Variants in AGAP1 observed in about 807,000 individuals in gnomAD.
The protein encoded by AGAP1 is ArfGAP with GTPase domain, ankyrin repeat and PH domain 1, also known as arf-GAP with GTPase, ANK repeat and PH domain-containing protein 1.
AGAP1 carries 29 observed loss-of-function variants against 105.3 expected under a neutral mutation model. The ratio of observed to expected loss-of-function variants is 0.28; its 90% CI spans 0.21 to 0.38. The LOEUF is 0.38. Among genes scored for constraint, AGAP1 ranks in the 10% least tolerant of loss-of-function variants. AGAP1 has a pLI of 1.00. For missense variants in AGAP1, 998 were observed against 1,165.1 expected, an observed-to-expected ratio of 0.86 and a Z score of 2.09; for synonymous variants, 509 against 485.9, an observed-to-expected ratio of 1.05 and a Z score of -0.63.
In AGAP1 at chr2:236,123,878, C is replaced by T. The variant is rs765176771; in HGVS notation, c.2371-41C>T. ...GCTTCCCTGCCCCCTCCCTCCATCA[C>T]ATCCCCCATGATACTAATGTGGGCT... On this transcript the variant is annotated intron_variant, in intron 17 of 17. Transcript: ENST00000304032. This position sits in a 1 kb window ranked among gnomAD's most constrained non-coding sequence, Gnocchi z 4.6. 6 of 1,608,644 alleles carry T rather than the reference C, an allele frequency of 3.7e-6. No individual in the cohort carries two copies. Among genetic ancestry groups the T allele is most frequent in the African/African-American group, 2.7e-5 (2 of 74,750 alleles).
At chr2:235,881,786 A>G (rs2050036877) in intron 9 of AGAP1, among the ~76,000 whole-genome samples, 1 of 152,240 alleles carries the variant, frequency 6.6e-6, no homozygotes, top group Admixed American at 6.5e-5. Context: ...ACCATTTAAG[A>G]AGACTGGATT....
At chr2:235,548,262 G>A (rs568081755) in intron 1 of AGAP1, among the ~76,000 whole-genome samples, 13 of 152,324 alleles carry the variant, frequency 8.5e-5, no homozygotes, top group Admixed American at 6.5e-4. Flanking sequence ...TGTCGCTCAT[G>A]TAAAATGCAC....
rs150543744 is a variant in AGAP1 at position 236,123,454 on chromosome 2, T to C, written c.2371-465T>C. On this transcript the variant is annotated intron_variant, in intron 17 of 17. Coordinates refer to ENST00000304032, the MANE Select transcript of AGAP1 (RefSeq NM_001037131.3). The surrounding 1 kb of genome is among the most constrained non-coding windows in gnomAD (Gnocchi z 4.6). Reference sequence around the variant, plus strand: ...CAGTCTTATCTCAATTATGTACATATACATGTAGATTCAAAGAAAACTCAT... The same window carrying C: ...CAGTCTTATCTCAATTATGTACATACACATGTAGATTCAAAGAAAACTCAT... Among the ~76,000 whole-genome samples the C allele has an allele frequency of 0.012, 1,796 of 152,308 alleles. 32 individuals are homozygous for C. The highest frequency in any genetic ancestry group is 0.041 in the African/African-American group (1,695 of 41,568).
chr2:235,691,867 G>T lies in AGAP1; in HGVS notation c.164-17312G>T, dbSNP rs1272131003. On this transcript the variant is annotated intron_variant, in intron 1 of 17. Coordinates refer to ENST00000304032, the MANE Select transcript of AGAP1 (RefSeq NM_001037131.3). This position sits in a 1 kb window ranked among gnomAD's most constrained non-coding sequence, Gnocchi z 4.4. Reference sequence around the variant, plus strand: ...GGGGACAATGGCCAGTGACATCCAGGAGAGGGAACTTAGAGGCAAGGCAGG... The same window carrying T: ...GGGGACAATGGCCAGTGACATCCAGTAGAGGGAACTTAGAGGCAAGGCAGG... Among the ~76,000 whole-genome samples, 1 of 152,220 alleles carries T rather than the reference G, an allele frequency of 6.6e-6. No homozygotes were observed. Among genetic ancestry groups the T allele is most frequent in the African/African-American group, 2.4e-5 (1 of 41,460 alleles).
At position 235,864,695 on chromosome 2, in the gene AGAP1, G is replaced by A. The variant is rs949933359; in HGVS notation, c.1051-18650G>A. Among the ~76,000 whole-genome samples the A allele has an allele frequency of 1.3e-5, 2 of 152,106 alleles. No individual in the cohort carries two copies. Among genetic ancestry groups the A allele is most frequent in the Non-Finnish European group, 2.9e-5 (2 of 68,010 alleles). On this transcript the variant is annotated intron_variant, in intron 9 of 17. Transcript: ENST00000304032. The surrounding 1 kb of genome is among the most constrained non-coding windows in gnomAD (Gnocchi z 5.0). ...GGCGATCAAGAGATAATATTAACTA[G>A]AAAAATCAAGAGGGGATCTGTCAGT...
rs771663695 is a variant in AGAP1 at position 236,040,711 on chromosome 2, G to T, written c.1801-40G>T. The T allele has an allele frequency of 6.9e-6, 11 of 1,600,734 alleles. No individual in the cohort carries two copies. The highest frequency in any genetic ancestry group is 9.4e-6 in the Non-Finnish European group (11 of 1,170,008). ...TATCAGTGATGTGCGTTTCTCCCGG[G>T]GTGCTTACGCCTTGTATTTGTGTCT... On this transcript the variant is annotated intron_variant, in intron 14 of 17. Coordinates refer to ENST00000304032, the MANE Select transcript of AGAP1 (RefSeq NM_001037131.3). The surrounding 1 kb of genome is among the most constrained non-coding windows in gnomAD (Gnocchi z 5.6).
intron 1 of AGAP1, among the ~76,000 whole-genome samples, chr2:235,533,731 C>T (rs1053090080): frequency 6.6e-6 from 1 of 152,196 alleles, no homozygotes; most frequent in Non-Finnish European, 1.5e-5. Context: ...GGGATTTTCT[C>T]ATGTGTGAGG....
intron 11 of AGAP1, among the ~76,000 whole-genome samples, chr2:235,926,835 C>G (rs1333052301): frequency 6.6e-6 from 1 of 152,168 alleles, no homozygotes; most frequent in African/African-American, 2.4e-5. Flanking sequence ...GGAACCCACT[C>G]AGATCCTTCA....
At chr2:236,103,889 C>T (rs1472586296) in intron 16 of AGAP1, among the ~76,000 whole-genome samples, 1 of 152,202 alleles carries the variant, frequency 6.6e-6, no homozygotes, top group Non-Finnish European at 1.5e-5. Context: ...TTCTAGGCAC[C>T]CCGCCATCCT....
chr2:236,083,115 A>G lies in AGAP1; in HGVS notation c.2114+33834A>G, dbSNP rs1287321611. On this transcript the variant is annotated intron_variant, in intron 16 of 17. Transcript: ENST00000304032. This position sits in a 1 kb window ranked among gnomAD's most constrained non-coding sequence, Gnocchi z 5.3. The stretch of plus-strand genomic sequence containing the variant: ...GGTTGCAGTGAGCCGAGATCACGCC[A>G]TTGCACTCCAGCCTAGGCAACGAGC... Among the ~76,000 whole-genome samples the G allele has an allele frequency of 1.3e-5, 2 of 152,150 alleles. No individual in the cohort carries two copies. The highest frequency in any genetic ancestry group is 1.5e-5 in the Non-Finnish European group (1 of 68,028).
At chr2:236,111,281 A>G (rs886384760) in intron 16 of AGAP1, among the ~76,000 whole-genome samples, 4 of 152,156 alleles carry the variant, frequency 2.6e-5, no homozygotes, top group Non-Finnish European at 5.9e-5. Flanking sequence ...CTATAGGCCC[A>G]GCTACTCAGG....
At chr2:235,678,422 T>C (rs1173121518) in intron 1 of AGAP1, among the ~76,000 whole-genome samples, 2 of 152,128 alleles carry the variant, frequency 1.3e-5, no homozygotes, top group African/African-American at 2.4e-5. Context: ...AGGAAAAAGA[T>C]TGGGGCTCAG....
intron 1 of AGAP1, among the ~76,000 whole-genome samples, chr2:235,516,737 A>G (rs987351053): frequency 2.6e-5 from 4 of 152,134 alleles, no homozygotes; most frequent in Admixed American, 2.0e-4. Flanking sequence ...ATGCGGGTCC[A>G]CTCAGCTCCC....
chr2:235,544,447 G>A (rs1943558379), intron 1 of AGAP1, among the ~76,000 whole-genome samples: 1 of 152,230 alleles, frequency 6.6e-6, no homozygotes, highest in South Asian at 2.1e-4. Flanking sequence ...GGCCTCAGCG[G>A]TCCCCTTAGG....
intron 13 of AGAP1, among the ~76,000 whole-genome samples, chr2:236,021,828 G>T (rs2056893905): frequency 6.6e-6 from 1 of 152,134 alleles, no homozygotes; most frequent in Admixed American, 6.5e-5. Context: ...GGAGGCTGAG[G>T]TGGGCAGGTT....
chr2:235,630,828 C>T (rs1256773926), intron 1 of AGAP1, among the ~76,000 whole-genome samples: 2 of 152,202 alleles, frequency 1.3e-5, no homozygotes, highest in African/African-American at 2.4e-5. Context: ...CCGCTGCCTC[C>T]GTTTGTCATT....
At chr2:235,968,978 C>T (rs904311614) in intron 13 of AGAP1, among the ~76,000 whole-genome samples, 1 of 152,200 alleles carries the variant, frequency 6.6e-6, no homozygotes, top group Non-Finnish European at 1.5e-5. Flanking sequence ...CTGCGTGACT[C>T]TGCTGGGGAC....
rs146386377 is a variant in AGAP1 at position 236,067,702 on chromosome 2, C to G, written c.2114+18421C>G. On this transcript the variant is annotated intron_variant, in intron 16 of 17. Coordinates refer to ENST00000304032, the MANE Select transcript of AGAP1 (RefSeq NM_001037131.3). ...AGAAGAGAATGGGGTCCTGTCTTTT[C>G]TCTGTTCTGGGGAAGAAACCTCATC... 6.3e-4 allele frequency among the ~76,000 whole-genome samples: 96 copies of G among 152,342 alleles called. 1 individual carries two copies. In the East Asian group the frequency reaches 0.014, roughly 22 times the overall value.
rs1374979196 is a variant in AGAP1 at position 235,866,948 on chromosome 2, T to C, written c.1051-16397T>C. Reference sequence around the variant, plus strand: ...CCAAATAGAGTCACATCGTGAGTGCTGGGCGTTAGGATCTCAATATCTGAA... The same window carrying C: ...CCAAATAGAGTCACATCGTGAGTGCCGGGCGTTAGGATCTCAATATCTGAA... On this transcript the variant is annotated intron_variant, in intron 9 of 17. Coordinates refer to ENST00000304032, the MANE Select transcript of AGAP1 (RefSeq NM_001037131.3). The surrounding 1 kb of genome is among the most constrained non-coding windows in gnomAD (Gnocchi z 6.1). 6.6e-6 allele frequency among the ~76,000 whole-genome samples: 1 copy of C among 152,218 alleles called. No individual in the cohort carries two copies. Among genetic ancestry groups the C allele is most frequent in the African/African-American group, 2.4e-5 (1 of 41,460 alleles).
Sources: allele counts gnomAD v4.1 joint callset (sites outside exome capture counted in the v4.1 genomes callset), GRCh38; gene constraint gnomAD v4.1.1; non-coding constraint Gnocchi (gnomAD v3.1); transcripts MANE v1.5; gene names NCBI Gene and HGNC (gene_info 2026-07-23, HGNC 2026-07-21).